The following RARB variants were observed in gnomAD, a reference collection of about 807,000 sequenced individuals.
The protein encoded by RARB is HBV-activated protein.
A neutral mutation model predicts 51.9 loss-of-function variants in RARB; 17 were observed. That is an observed-to-expected ratio of 0.33 (90% CI 0.22 to 0.49). The LOEUF (loss-of-function observed/expected upper bound fraction) is 0.49. Ranked by LOEUF, RARB falls within the 20% of genes least tolerant of loss-of-function variation. RARB has a pLI of 0.99. For synonymous variants in RARB, 215 were observed against 195.4 expected, an observed-to-expected ratio of 1.10 and a Z score of -0.84; for missense variants, 369 against 550.8, an observed-to-expected ratio of 0.67 and a Z score of 3.30.
At chr3:25,314,264 T>G (rs1444957343) in intron 5 of RARB, among the ~76,000 whole-genome samples, 3 of 152,232 alleles carry the variant, frequency 2.0e-5, no homozygotes, top group Non-Finnish European at 2.9e-5. Context: ...CATTTTTGTT[T>G]CTTTTGATAA....
In RARB at chr3:25,050,915, G is replaced by A. The variant is rs146819651; in HGVS notation, c.-379-9210G>A. 6.2e-3 allele frequency among the ~76,000 whole-genome samples: 951 copies of A among 152,238 alleles called. 4 individuals carry two copies. The highest frequency in any genetic ancestry group is 0.017 in the Middle Eastern group (5 of 294). ...CCATCCACTCCTCTTCAACTCAACAGAGTTTAATGTTTTAATTCTTTCTGG... is the reference window on the plus strand; with the variant it reads ...CCATCCACTCCTCTTCAACTCAACAAAGTTTAATGTTTTAATTCTTTCTGG... On this transcript the variant is annotated intron_variant, in intron 2 of 11. Transcript: ENST00000383772.
At chr3:25,453,668 T>C (rs1374659523) in intron 1 of RARB, among the ~76,000 whole-genome samples, 1 of 152,166 alleles carries the variant, frequency 6.6e-6, no homozygotes, top group African/African-American at 2.4e-5. Flanking sequence ...TCCTTTTGTC[T>C]CCTGCCTATG....
Position 25,408,309 on chromosome 3 carries a change from C to T in RARB, c.179-52884C>T, listed in dbSNP as rs113633628. ...TTAGTTGACTCACATTTCTGCATGG[C>T]GGGAGTAGCCTCAGGAAACTTACAA... On this transcript the variant is annotated intron_variant, in intron 5 of 11. Coordinates refer to the RARB transcript ENST00000383772. Among the ~76,000 whole-genome samples, 808 of 152,014 alleles carry T rather than the reference C, an allele frequency of 5.3e-3. 9 individuals are homozygous for T. Among genetic ancestry groups the T allele is most frequent in the Non-Finnish European group, 8.9e-3 (606 of 67,954 alleles).
intron 3 of RARB, among the ~76,000 whole-genome samples, chr3:25,522,857 C>T (rs140283415): frequency 5.3e-4 from 80 of 152,140 alleles, no homozygotes; most frequent in Non-Finnish European, 7.8e-4. Flanking sequence ...AGGTTCTGTC[C>T]GCAGAGAAGG....
At chr3:25,358,780 T>C (rs1271383209) in intron 5 of RARB, among the ~76,000 whole-genome samples, 2 of 152,214 alleles carry the variant, frequency 1.3e-5, no homozygotes, top group African/African-American at 2.4e-5. Flanking sequence ...ATGGATTACA[T>C]TCATTGATTT....
At chr3:24,879,322 G>A (rs963014968) in intron 2 of RARB, among the ~76,000 whole-genome samples, 6 of 152,022 alleles carry the variant, frequency 3.9e-5, no homozygotes, top group Middle Eastern at 3.4e-3. Flanking sequence ...CCAGCTACTC[G>A]GGAGGCTGAG....
At chr3:25,226,948 A>G (rs971465066) in intron 5 of RARB, among the ~76,000 whole-genome samples, 6 of 152,322 alleles carry the variant, frequency 3.9e-5, no homozygotes, top group Admixed American at 6.5e-5. Flanking sequence ...ATAGCCCACA[A>G]TGTTTAAGCA....
intron 3 of RARB, among the ~76,000 whole-genome samples, chr3:25,519,686 A>G (rs1413244691): frequency 6.6e-6 from 1 of 152,158 alleles, no homozygotes; most frequent in African/African-American, 2.4e-5. Flanking sequence ...CTGTATTTTT[A>G]TCACTTATCA....
In RARB at chr3:24,946,067, C is replaced by T. The variant is rs557259181; in HGVS notation, c.-380+87315C>T. Among the ~76,000 whole-genome samples, 22 of 152,078 alleles carry T rather than the reference C, an allele frequency of 1.4e-4. No homozygotes were observed. The South Asian group carries it at 4.6e-3, about 32-fold the overall frequency. On this transcript the variant is annotated intron_variant, in intron 2 of 11. Transcript: ENST00000383772. ...GATCACGAGGTCAGGAGATCGAGAT[C>T]ATCCTGGCTAACACGGTGAAACCCT...
chr3:24,851,167 G>A (rs1490192171), intron 1 of RARB, among the ~76,000 whole-genome samples: 2 of 152,132 alleles, frequency 1.3e-5, no homozygotes, highest in Non-Finnish European at 2.9e-5. Flanking sequence ...TGGTTTGGTG[G>A]CTCATGCCTG....
chr3:25,280,550 G>A (rs1703498324), intron 5 of RARB, among the ~76,000 whole-genome samples: 1 of 152,124 alleles, frequency 6.6e-6, no homozygotes. Flanking sequence ...CACAGAACAT[G>A]GGGTATTGGG....
At chr3:25,565,015 C>T (rs964462121) in intron 3 of RARB, among the ~76,000 whole-genome samples, 1 of 152,150 alleles carries the variant, frequency 6.6e-6, no homozygotes, top group Non-Finnish European at 1.5e-5. Context: ...CCTCAATTTA[C>T]CCTCCCAATT....
intron 5 of RARB, among the ~76,000 whole-genome samples, chr3:25,321,051 T>G (rs981007936): frequency 3.9e-5 from 6 of 152,366 alleles, no homozygotes; most frequent in African/African-American, 9.6e-5. Flanking sequence ...CGGAGCACTT[T>G]TTTTCCAAGT....
chr3:24,912,975 C>CTT (rs386396163), intron 2 of RARB, among the ~76,000 whole-genome samples: 5,923 of 74,574 alleles, frequency 0.079, 1,025 homozygotes, highest in African/African-American at 0.22. Context: ...GGTACTGATT[C>CTT]TTTTTTTTTT....
intron 2 of RARB, among the ~76,000 whole-genome samples, chr3:25,014,412 G>T (rs1408701624): frequency 1.3e-5 from 2 of 152,142 alleles, no homozygotes; most frequent in African/African-American, 4.8e-5. Context: ...CCTGTAGAGA[G>T]AAGTTCAGGA....
intron 2 of RARB, among the ~76,000 whole-genome samples, chr3:24,859,818 G>T (rs1225577539): frequency 2.0e-5 from 3 of 152,178 alleles, no homozygotes; most frequent in African/African-American, 7.2e-5. Context: ...TAGCAATAAA[G>T]CAGCCCTGGA....
intron 2 of RARB, among the ~76,000 whole-genome samples, chr3:25,045,994 C>T (rs1475537415): frequency 6.6e-6 from 1 of 152,162 alleles, no homozygotes; most frequent in Non-Finnish European, 1.5e-5. Context: ...TAAATATGTT[C>T]CTTTTTATTA....
At chr3:25,334,011 T>A (rs1704984039) in intron 5 of RARB, among the ~76,000 whole-genome samples, 1 of 152,120 alleles carries the variant, frequency 6.6e-6, no homozygotes, top group Admixed American at 6.5e-5. Flanking sequence ...TGGCAATCAT[T>A]AAAAAGTCAG....
At chr3:25,318,505 C>T (rs963649105) in intron 5 of RARB, among the ~76,000 whole-genome samples, 1 of 152,076 alleles carries the variant, frequency 6.6e-6, no homozygotes, top group Non-Finnish European at 1.5e-5. Flanking sequence ...ATAACATATT[C>T]AAGAAAATGA....
Sources: gnomAD v4.1 joint callset for allele counts (sites outside exome capture counted in the v4.1 genomes callset) on GRCh38, gnomAD v4.1.1 for gene constraint, MANE v1.5 for transcripts, NCBI Gene and HGNC (gene_info 2026-07-23, HGNC 2026-07-21) for gene names.